The following FAM171A1 variants were observed in gnomAD, a reference collection of about 807,000 sequenced individuals.
FAM171A1 encodes the protein family with sequence similarity 171 member A1.
Under a neutral mutation model 74.9 loss-of-function variants are expected in FAM171A1, and 23 were observed. That is an observed-to-expected ratio of 0.31 (90% confidence interval 0.22 to 0.44). The LOEUF (loss-of-function observed/expected upper bound fraction) is 0.44, where lower values mean the gene tolerates loss of function less well. Among genes scored for constraint, FAM171A1 ranks in the 20% least tolerant of loss-of-function variants. The pLI is 1.00. For missense variants in FAM171A1, 1,162 were observed against 1,159.2 expected, an observed-to-expected ratio of 1.00 and a Z score of -0.03; for synonymous variants, 527 against 505.7, an observed-to-expected ratio of 1.04 and a Z score of -0.57.
chr10:15,332,862 G>A (rs896240821), intron 1 of FAM171A1, among the ~76,000 whole-genome samples: 3 of 152,054 alleles, frequency 2.0e-5, no homozygotes, highest in Non-Finnish European at 4.4e-5. Context: ...GAATCCCTGG[G>A]CAATCTAATG....
intron 1 of FAM171A1, among the ~76,000 whole-genome samples, chr10:15,360,678 T>C (rs1203904704): frequency 6.6e-6 from 1 of 152,218 alleles, no homozygotes; most frequent in East Asian, 1.9e-4. Flanking sequence ...AAGCAGAGCA[T>C]ACAATGCCAG....
chr10:15,314,325 C>A (rs374231132), intron 1 of FAM171A1, among the ~76,000 whole-genome samples: 1 of 152,268 alleles, frequency 6.6e-6, no homozygotes, highest in South Asian at 2.1e-4. Context: ...TTTAAGTGGA[C>A]TGACCAAATA....
intron 1 of FAM171A1, among the ~76,000 whole-genome samples, chr10:15,301,364 T>TATATATA (rs1323089320): frequency 6.5e-4 from 67 of 102,890 alleles, no homozygotes; most frequent in Non-Finnish European, 1.2e-3. Flanking sequence ...ATATATATAT[T>TATATATA]TTTTTTTTTT....
chr10:15,371,003 C>G lies in FAM171A1; in HGVS notation c.50G>C (p.Trp17Ser), dbSNP rs1210814290. Residue 17 changes from tryptophan to serine, a missense_variant, in exon 1 of 8, where the codon TGG becomes TCG. Coordinates refer to ENST00000378116, the MANE Select transcript of FAM171A1 (RefSeq NM_001010924.2). ...LLLCLLGCHV[W>S]KAVTKTLREP... ...CCGCAGCGTCTTGGTCACCGCCTTC[C>G]AGACGTGGCAGCCCAGCAGGCACAG... The G allele has an allele frequency of 1.2e-5, 14 of 1,192,190 alleles. No homozygotes were observed. The highest frequency in any genetic ancestry group is 1.4e-5 in the Non-Finnish European group (13 of 938,630). The allele number at this position is 1,192,190 out of a possible 1,614,324, so 73.9% of individuals were successfully genotyped here.
intron 5 of FAM171A1, among the ~76,000 whole-genome samples, chr10:15,221,351 A>G (rs928066435): frequency 7.9e-5 from 12 of 152,238 alleles, no homozygotes; most frequent in African/African-American, 2.9e-4. Flanking sequence ...TGATTTTAGC[A>G]GAAGCCTTTG....
In FAM171A1 at chr10:15,365,514, T is replaced by C. The variant is rs965308412; in HGVS notation, c.97+5442A>G. 3.3e-5 allele frequency among the ~76,000 whole-genome samples: 5 copies of C among 152,184 alleles called. No individual in the cohort carries two copies. In the East Asian group the frequency reaches 9.6e-4, roughly 29 times the overall value. On this transcript the variant is annotated intron_variant, in intron 1 of 7. Transcript: ENST00000378116. ...GACTGGGCATGGTGGCTCCCACCTG[T>C]AATCCCAGTACTTTGGGAGGCCTAG...
intron 1 of FAM171A1, among the ~76,000 whole-genome samples, chr10:15,342,281 T>C (rs985686348): frequency 6.6e-6 from 1 of 152,134 alleles, no homozygotes; most frequent in Admixed American, 6.6e-5. Context: ...TGTTAACAGG[T>C]GTTGCTGGCC....
upstream of FAM171A1, among the ~76,000 whole-genome samples, chr10:15,373,556 G>A (rs1264780560): frequency 1.3e-5 from 2 of 152,172 alleles, no homozygotes; most frequent in African/African-American, 2.4e-5. Context: ...TCTAATCCCA[G>A]TGAAGTGCAA....
chr10:15,255,851 T>TG (rs1319147407), intron 3 of FAM171A1, among the ~76,000 whole-genome samples: 1 of 152,092 alleles, frequency 6.6e-6, no homozygotes, highest in African/African-American at 2.4e-5. Flanking sequence ...TTTCACCATG[T>TG]TGGCCAGGCT....
intron 1 of FAM171A1, among the ~76,000 whole-genome samples, chr10:15,294,278 A>G (rs1002543231): frequency 8.5e-5 from 13 of 152,124 alleles, no homozygotes; most frequent in Admixed American, 7.9e-4. Context: ...GCTGGGGACC[A>G]TCTCTTTGAA....
intron 6 of FAM171A1, among the ~76,000 whole-genome samples, chr10:15,216,516 G>T (rs1303042758): frequency 6.6e-6 from 1 of 151,280 alleles, no homozygotes; most frequent in East Asian, 1.9e-4. Flanking sequence ...CTGTAGCCTT[G>T]ACCTCCTGGG....
In FAM171A1 at chr10:15,270,538, C is replaced by T. The variant is rs529461807; in HGVS notation, c.418+5317G>A. ...AGCTCTGAACAGAGTAGTGGTTCTC[C>T]AGCACAGAGTTTGAGATCTGAGAAC... On this transcript the variant is annotated intron_variant, in intron 3 of 7. Coordinates refer to ENST00000378116, the MANE Select transcript of FAM171A1 (RefSeq NM_001010924.2). Among the ~76,000 whole-genome samples, 459 of 152,272 alleles carry T rather than the reference C, an allele frequency of 3.0e-3. 4 individuals carry two copies. Among genetic ancestry groups the T allele is most frequent in the African/African-American group, 0.01 (431 of 41,554 alleles).
chr10:15,278,981 A>G (rs1305926914), intron 2 of FAM171A1, among the ~76,000 whole-genome samples: 1 of 147,778 alleles, frequency 6.8e-6, no homozygotes, highest in East Asian at 1.9e-4. Context: ...AGCACACCTC[A>G]AAACCCGGGC....
intron 3 of FAM171A1, among the ~76,000 whole-genome samples, chr10:15,260,570 G>A (rs1707663690): frequency 6.6e-6 from 1 of 152,182 alleles, no homozygotes; most frequent in Non-Finnish European, 1.5e-5. Flanking sequence ...ATTATAGACT[G>A]AAGCTCCTTA....
intron 1 of FAM171A1, among the ~76,000 whole-genome samples, chr10:15,353,336 A>G (rs981269129): frequency 2.6e-5 from 4 of 152,200 alleles, no homozygotes; most frequent in African/African-American, 7.2e-5. Flanking sequence ...TTGTATCACA[A>G]TACTTGGAAT....
intron 1 of FAM171A1, among the ~76,000 whole-genome samples, chr10:15,331,845 G>GTATACATA (rs1835637587): frequency 5.4e-5 from 3 of 55,348 alleles, no homozygotes; most frequent in Non-Finnish European, 7.0e-5. Flanking sequence ...ATATATGTGT[G>GTATACATA]TATATATATG....
chr10:15,254,606 G>T, intron 4 of FAM171A1, 115 bp downstream of exon 4: 1 of 1,150,042 alleles, frequency 8.7e-7, no homozygotes, highest in Non-Finnish European at 1.2e-6. Flanking sequence ...TTCCCCTTCT[G>T]CACCTTCAGT....
chr10:15,273,519 G>A (rs1834854530), intron 3 of FAM171A1, among the ~76,000 whole-genome samples: 1 of 152,130 alleles, frequency 6.6e-6, no homozygotes, highest in Admixed American at 6.6e-5. Flanking sequence ...AGAAAAAGAG[G>A]GAATCTTCCC....
At chr10:15,316,639 G>C (rs1007364327) in intron 1 of FAM171A1, among the ~76,000 whole-genome samples, 1 of 152,182 alleles carries the variant, frequency 6.6e-6, no homozygotes, top group African/African-American at 2.4e-5. Context: ...TGGAATCCCA[G>C]AAAGCAGCTG....
Sources: allele counts gnomAD v4.1 joint callset (sites outside exome capture counted in the v4.1 genomes callset), GRCh38; gene constraint gnomAD v4.1.1; transcripts MANE v1.5; gene names NCBI Gene and HGNC (gene_info 2026-07-23, HGNC 2026-07-21).